The following TENM4 variants were observed in gnomAD, a reference collection of about 807,000 sequenced individuals.
TENM4 encodes teneurin transmembrane protein 4.
TENM4 carries 82 observed loss-of-function variants against 243.3 expected under a neutral mutation model. That is an observed-to-expected ratio of 0.34 (90% CI 0.28 to 0.40). TENM4 has a LOEUF of 0.40. Among genes scored for constraint, TENM4 ranks in the 10% least tolerant of loss-of-function variants. The probability of loss-of-function intolerance (pLI) is 1.00; values close to 1 mark genes in which losing one functional copy is unlikely to be tolerated. For missense variants in TENM4, 3,138 were observed against 3,673.3 expected (o/e 0.85, Z 3.77); for synonymous variants, 1,412 against 1,456.3 (o/e 0.97, Z 0.69).
chr11:78,840,412 G>T (rs979831443), intron 12 of TENM4, among the ~76,000 whole-genome samples: 4 of 152,148 alleles, frequency 2.6e-5, no homozygotes, highest in Admixed American at 6.5e-5. Context: ...GAGAACATGA[G>T]CATTGCTTAG....
chr11:79,080,237 G>T (rs1860632620), intron 4 of TENM4, among the ~76,000 whole-genome samples: 1 of 152,196 alleles, frequency 6.6e-6, no homozygotes, highest in Non-Finnish European at 1.5e-5. Flanking sequence ...ATCCAACAAG[G>T]CTTTATGAGA....
intron 14 of TENM4, among the ~76,000 whole-genome samples, chr11:78,809,811 C>G (rs1269777762): frequency 6.6e-6 from 1 of 152,144 alleles, no homozygotes; most frequent in Non-Finnish European, 1.5e-5. Flanking sequence ...AAGCATAGCC[C>G]ATTAACAAAA....
chr11:79,252,627 C>A (rs1034696178), intron 2 of TENM4, among the ~76,000 whole-genome samples: 1 of 152,206 alleles, frequency 6.6e-6, no homozygotes, highest in Admixed American at 6.5e-5. Flanking sequence ...TGAATCATTG[C>A]TCCTAATTCT....
intron 2 of TENM4, among the ~76,000 whole-genome samples, chr11:79,241,753 G>C (rs2135282541): frequency 6.6e-6 from 1 of 152,224 alleles, no homozygotes; most frequent in African/African-American, 2.4e-5. Flanking sequence ...GTGGGGGGCG[G>C]AGGTTGGTAG....
intron 14 of TENM4, among the ~76,000 whole-genome samples, chr11:78,809,716 T>C (rs564632185): frequency 6.6e-6 from 1 of 152,328 alleles, no homozygotes; most frequent in Non-Finnish European, 1.5e-5. Context: ...GAAGACAGCC[T>C]AACTTAGTTT....
At chr11:78,988,568 CA>C (rs1237135149) in intron 6 of TENM4, among the ~76,000 whole-genome samples, 2 of 152,216 alleles carry the variant, frequency 1.3e-5, no homozygotes, top group African/African-American at 4.8e-5. Flanking sequence ...AAAAAGAAAT[CA>C]CAAGACCAAT....
intron 6 of TENM4, among the ~76,000 whole-genome samples, chr11:78,979,499 G>T (rs1394461231): frequency 6.6e-6 from 1 of 152,180 alleles, no homozygotes; most frequent in Non-Finnish European, 1.5e-5. Context: ...AGTTGGCCAG[G>T]TTAAGAAAGC....
chr11:78,965,571 C>G (rs934843218), intron 6 of TENM4, among the ~76,000 whole-genome samples: 2 of 152,196 alleles, frequency 1.3e-5, no homozygotes, highest in African/African-American at 4.8e-5. Context: ...GTAAATCTGT[C>G]AAGCTTTACG....
intron 7 of TENM4, among the ~76,000 whole-genome samples, chr11:78,894,958 C>A (rs1040906011): frequency 2.2e-5 from 3 of 137,374 alleles, no homozygotes; most frequent in African/African-American, 8.1e-5. Flanking sequence ...CACTCCAGTC[C>A]GGTCCAACGA....
At chr11:79,229,496 C>T (rs1270368041) in intron 2 of TENM4, among the ~76,000 whole-genome samples, 1 of 152,158 alleles carries the variant, frequency 6.6e-6, no homozygotes, top group East Asian at 1.9e-4. Flanking sequence ...TAAAACTCCC[C>T]TCAGAAGTCA....
chr11:79,194,066 C>T (rs193020654), intron 3 of TENM4, among the ~76,000 whole-genome samples: 55 of 152,146 alleles, frequency 3.6e-4, no homozygotes, highest in Admixed American at 9.8e-4. Flanking sequence ...GTGCTATTTT[C>T]ATGACAGTGA....
intron 1 of TENM4, among the ~76,000 whole-genome samples, chr11:79,386,068 C>G (rs1428502440): frequency 6.6e-6 from 1 of 152,192 alleles, no homozygotes; most frequent in Non-Finnish European, 1.5e-5. Context: ...AATCAGATAG[C>G]CCTGGCCTGA....
At chr11:79,035,525 A>C (rs1168513781) in intron 6 of TENM4, among the ~76,000 whole-genome samples, 1 of 129,286 alleles carries the variant, frequency 7.7e-6, no homozygotes, top group Non-Finnish European at 1.8e-5. Context: ...TAGAAGATTT[A>C]AAAAAATTCA....
At chr11:79,354,305 T>C (rs507958) in intron 1 of TENM4, among the ~76,000 whole-genome samples, 95,036 of 152,008 alleles carry the variant, frequency 0.63, 30,009 homozygotes, top group Middle Eastern at 0.7. Flanking sequence ...CTACCCAGTG[T>C]CCTGATTAAT....
chr11:79,130,518 AACAG>A (rs1861981432), intron 4 of TENM4, among the ~76,000 whole-genome samples: 1 of 152,076 alleles, frequency 6.6e-6, no homozygotes, highest in African/African-American at 2.4e-5. Context: ...TATTCAAGGA[AACAG>A]ACAGCTTAAA....
At chr11:79,236,208 C>T (rs1310971409) in intron 2 of TENM4, among the ~76,000 whole-genome samples, 2 of 152,102 alleles carry the variant, frequency 1.3e-5, no homozygotes, top group African/African-American at 4.8e-5. Context: ...ACATGAGTCC[C>T]CAGATTTCCA....
chr11:79,306,567 T>C (rs1178995066), intron 1 of TENM4, among the ~76,000 whole-genome samples: 1 of 152,144 alleles, frequency 6.6e-6, no homozygotes, highest in Non-Finnish European at 1.5e-5. Flanking sequence ...GAGGTCACTT[T>C]CTATTTTCTT....
intron 1 of TENM4, among the ~76,000 whole-genome samples, chr11:79,374,552 C>CTATATATAGA (rs11281237): frequency 0.18 from 26,420 of 150,754 alleles, 2,734 homozygotes; most frequent in African/African-American, 0.29. Flanking sequence ...ATCTATATAT[C>CTATATATAGA]TATATAGATA....
At chr11:78,905,307 T>G (rs571636147) in intron 6 of TENM4, among the ~76,000 whole-genome samples, 1 of 152,284 alleles carries the variant, frequency 6.6e-6, no homozygotes, top group South Asian at 2.1e-4. Context: ...GTGTTATGGA[T>G]TTTTTTAGTG....
Sources: allele counts gnomAD v4.1 joint callset (sites outside exome capture counted in the v4.1 genomes callset), GRCh38; gene constraint gnomAD v4.1.1; transcripts MANE v1.5; gene names NCBI Gene and HGNC (gene_info 2026-07-23, HGNC 2026-07-21).